Variants in WDR4 observed in about 807,000 individuals in gnomAD.
WDR4 encodes the protein tRNA (guanine-N(7)-)-methyltransferase non-catalytic subunit WDR4.
In WDR4, 47 loss-of-function variants were observed where a neutral mutation model predicts 48.6. That is an observed-to-expected ratio of 0.97 (90% confidence interval 0.77 to 1.23). The LOEUF (loss-of-function observed/expected upper bound fraction) is 1.23. Among genes scored for constraint, WDR4 ranks in the 50% most tolerant of loss-of-function variants. The pLI is 0.00. For synonymous variants in WDR4, 268 were observed against 230.0 expected (o/e 1.17, Z -1.49); for missense variants, 606 against 551.6 (o/e 1.10, Z -0.99).
In WDR4 at chr21:42,854,640, A is replaced by C. The variant is rs149569805; in HGVS notation, c.727-14T>G. On this transcript the variant is annotated splice_polypyrimidine_tract_variant and intron_variant, in intron 7 of 10. Coordinates refer to ENST00000398208, the MANE Select transcript of WDR4 (RefSeq NM_018669.6). ...CGCGGCAAACTTCTAAAAGGAGAAGAAGCCCATTAACTTCACGCCACCTGC... is the reference window on the plus strand; with the variant it reads ...CGCGGCAAACTTCTAAAAGGAGAAGCAGCCCATTAACTTCACGCCACCTGC... The C allele has an allele frequency of 1.3e-3, 2,053 of 1,612,774 alleles. 3 individuals are homozygous for C. Among genetic ancestry groups the C allele is most frequent in the Non-Finnish European group, 1.6e-3 (1,871 of 1,179,500 alleles).
At chr21:42,875,589 T>C (rs2058471620) in intron 2 of WDR4, among the ~76,000 whole-genome samples, 1 of 152,072 alleles carries the variant, frequency 6.6e-6, no homozygotes, top group Non-Finnish European at 1.5e-5. Flanking sequence ...GTGCCTGTAG[T>C]CCCAGGTACT....
intron 1 of WDR4, among the ~76,000 whole-genome samples, chr21:42,877,707 T>C (rs1265848702): frequency 6.6e-6 from 1 of 152,122 alleles, no homozygotes; most frequent in Non-Finnish European, 1.5e-5. Context: ...CAGGAATTAA[T>C]ATGCTATTCT....
intron 3 of WDR4, among the ~76,000 whole-genome samples, chr21:42,870,266 G>A (rs6586254): frequency 0.6 from 91,373 of 151,980 alleles, 28,222 homozygotes; most frequent in African/African-American, 0.72. Context: ...CAGAAGAATC[G>A]CTTGAACCCG....
the WDR4 span, among the ~76,000 whole-genome samples, chr21:42,890,253 C>T: frequency 6.6e-5 from 10 of 151,520 alleles, no homozygotes; most frequent in African/African-American, 2.2e-4. Flanking sequence ...AAAAGAAGTT[C>T]GGCCAGGCAC....
intron 6 of WDR4, 81 bp from the exon 7 acceptor site, chr21:42,855,861 G>A: frequency 8.3e-7 from 1 of 1,206,932 alleles, no homozygotes; most frequent in South Asian, 1.7e-5. Context: ...AGCTGCGTGT[G>A]GTCGGGGTTC....
At chr21:42,846,847 C>T (rs578254969), downstream of WDR4, among the ~76,000 whole-genome samples, 8 of 152,264 alleles carry the variant, frequency 5.3e-5, no homozygotes, top group African/African-American at 1.7e-4. Context: ...CATGGCAAAA[C>T]CCCATCTCTA....
chr21:42,869,556 C>T (rs1333334023), intron 3 of WDR4, among the ~76,000 whole-genome samples: 3 of 152,070 alleles, frequency 2.0e-5, no homozygotes, highest in Non-Finnish European at 4.4e-5. Context: ...TGAGAAAGGC[C>T]ATGTTGAGAG....
chr21:42,859,585 G>GCGATCCACAGGGGCCAA, intron 6 of WDR4, 77 bp downstream of exon 6: 1 of 1,363,720 alleles, frequency 7.3e-7, no homozygotes, highest in Admixed American at 2.0e-5. Context: ...ACAGGGGCCA[G>GCGATCCACAGGGGCCAA]GTCCAGGAGG....
the WDR4 span, among the ~76,000 whole-genome samples, chr21:42,890,429 G>C: frequency 6.6e-6 from 1 of 151,992 alleles, no homozygotes; most frequent in African/African-American, 2.4e-5. Flanking sequence ...CCAGCTACTC[G>C]GGAGGTTGAA....
At chr21:42,853,248 T>G (rs1382361975) in intron 9 of WDR4, among the ~76,000 whole-genome samples, 1 of 152,014 alleles carries the variant, frequency 6.6e-6, no homozygotes, top group Non-Finnish European at 1.5e-5. Flanking sequence ...AGCCTCCAAG[T>G]GTTAGTCCCA....
intron 1 of WDR4, 95 bp downstream of exon 1, chr21:42,879,312 G>A: frequency 6.5e-7 from 1 of 1,544,642 alleles, no homozygotes; most frequent in African/African-American, 1.4e-5. Flanking sequence ...ACCCCAGAGT[G>A]GGTGCGACCA....
At chr21:42,853,509 C>A in intron 9 of WDR4, 60 bp downstream of exon 9, 1 of 1,538,442 alleles carries the variant, frequency 6.5e-7, no homozygotes. Flanking sequence ...GCTGCCGCCC[C>A]ACACCCCCAG....
downstream of WDR4, among the ~76,000 whole-genome samples, chr21:42,845,349 G>A (rs373779506): frequency 2.2e-4 from 22 of 101,916 alleles, 1 homozygote; most frequent in South Asian, 2.5e-3. Context: ...AACGTATCAC[G>A]TCAACATATA....
At chr21:42,879,150 C>T (rs1199131029) in intron 1 of WDR4, 1 of 1,290,036 alleles carries the variant, frequency 7.8e-7, no homozygotes, top group Non-Finnish European at 9.8e-7. Context: ...GCAAGAACAC[C>T]GCAGACCAGC....
intron 3 of WDR4, among the ~76,000 whole-genome samples, chr21:42,870,354 A>G (rs1048650954): frequency 6.6e-6 from 1 of 152,172 alleles, no homozygotes; most frequent in Non-Finnish European, 1.5e-5. Context: ...CTGTCTCAAA[A>G]CAAAGAAAGA....
At chr21:42,859,808 A>G in intron 5 of WDR4, 86 bp from the exon 6 acceptor site, 2 of 1,340,970 alleles carry the variant, frequency 1.5e-6, no homozygotes, top group Non-Finnish European at 2.1e-6. Context: ...TGTTCATCTA[A>G]GGAAGAGAAG....
chr21:42,870,156 G>A (rs376644516), intron 3 of WDR4, among the ~76,000 whole-genome samples: 15 of 152,120 alleles, frequency 9.9e-5, no homozygotes, highest in African/African-American at 3.4e-4. Flanking sequence ...TTCAAGACCG[G>A]CCTGGCCAAA....
At chr21:42,848,056 G>A (rs1384266731), downstream of WDR4, among the ~76,000 whole-genome samples, 2 of 152,220 alleles carry the variant, frequency 1.3e-5, no homozygotes, top group Non-Finnish European at 2.9e-5. Flanking sequence ...AGACAGCACT[G>A]TTTCCAGATC....
chr21:42,847,236 C>G (rs891240672), downstream of WDR4, among the ~76,000 whole-genome samples: 2 of 152,200 alleles, frequency 1.3e-5, no homozygotes, highest in Admixed American at 6.6e-5. Context: ...AGTTGCGAGG[C>G]AGTCACAGGG....
Sources: gnomAD v4.1 joint callset for allele counts (sites outside exome capture counted in the v4.1 genomes callset) on GRCh38, gnomAD v4.1.1 for gene constraint, MANE v1.5 for transcripts, NCBI Gene and HGNC (gene_info 2026-07-23, HGNC 2026-07-21) for gene names.